The following PPM1L variants were observed in gnomAD, a reference collection of about 807,000 sequenced individuals.
The protein encoded by PPM1L is protein phosphatase, Mg2+/Mn2+ dependent 1L, also known as protein phosphatase 1L.
A neutral mutation model predicts 31.4 loss-of-function variants in PPM1L; 13 were observed. That is an observed-to-expected ratio of 0.41 (90% CI 0.27 to 0.66). The LOEUF (loss-of-function observed/expected upper bound fraction) is 0.66, where lower values mean the gene tolerates loss of function less well. Ranked by LOEUF, PPM1L falls within the 30% of genes least tolerant of loss-of-function variation. PPM1L has a pLI of 0.29. For synonymous variants in PPM1L, 184 were observed against 175.4 expected, an observed-to-expected ratio of 1.05 and a Z score of -0.39; for missense variants, 326 against 453.7, an observed-to-expected ratio of 0.72 and a Z score of 2.56.
intron 1 of PPM1L, among the ~76,000 whole-genome samples, chr3:160,786,155 C>CTGTG (rs796240930): frequency 1.2e-4 from 10 of 83,202 alleles, no homozygotes; most frequent in African/African-American, 2.6e-4. Flanking sequence ...CTCTCTCTCT[C>CTGTG]TCTGTGTGTG....
At chr3:160,903,281 C>A (rs918993492) in intron 1 of PPM1L, among the ~76,000 whole-genome samples, 3 of 147,518 alleles carry the variant, frequency 2.0e-5, no homozygotes, top group Non-Finnish European at 4.5e-5. Flanking sequence ...TATGTGATTG[C>A]AGGAGCTGGC....
chr3:160,954,855 G>GT (rs11373919), intron 1 of PPM1L, among the ~76,000 whole-genome samples: 136,280 of 151,000 alleles, frequency 0.9, 61,574 homozygotes, highest in Middle Eastern at 0.97. Context: ...CTAGGCCAAT[G>GT]CTAGAAGAAT....
intron 1 of PPM1L, among the ~76,000 whole-genome samples, chr3:160,815,358 A>G (rs1157607313): frequency 1.3e-5 from 2 of 152,060 alleles, no homozygotes; most frequent in South Asian, 4.1e-4. Context: ...TCCAAGCACA[A>G]CTGTTCTCAG....
Position 160,985,864 on chromosome 3 carries a change from G to C in PPM1L, c.574+23954G>C, listed in dbSNP as rs1322738469. Among the ~76,000 whole-genome samples the C allele has an allele frequency of 6.6e-5, 10 of 151,150 alleles. No homozygotes were observed. The East Asian group carries it at 1.8e-3, about 27-fold the overall frequency. On this transcript the variant is annotated intron_variant, in intron 2 of 3. Transcript: ENST00000498165. ...CCAAAAATTAAATCTTAAAATTTAT[G>C]GACAGTTACTCTAAACAGATAAATA...
chr3:160,801,464 C>G (rs1026686005), intron 1 of PPM1L, among the ~76,000 whole-genome samples: 1 of 152,174 alleles, frequency 6.6e-6, no homozygotes, highest in Non-Finnish European at 1.5e-5. Context: ...AGTCCATGGC[C>G]AGTCACAGGA....
chr3:160,972,564 G>A (rs1330817667), intron 2 of PPM1L, among the ~76,000 whole-genome samples: 4 of 152,136 alleles, frequency 2.6e-5, no homozygotes, highest in Non-Finnish European at 5.9e-5. Context: ...ATTCCATGGT[G>A]TATATGTGCC....
chr3:160,876,548 C>T (rs761753591), intron 1 of PPM1L, among the ~76,000 whole-genome samples: 1 of 152,196 alleles, frequency 6.6e-6, no homozygotes, highest in African/African-American at 2.4e-5. Context: ...CTCAGCAAAG[C>T]CCAAATCTCT....
intron 1 of PPM1L, among the ~76,000 whole-genome samples, chr3:160,849,102 T>C (rs1301621739): frequency 6.6e-6 from 1 of 152,212 alleles, no homozygotes; most frequent in South Asian, 2.1e-4. Context: ...TTGTCAGTTA[T>C]ATGGGCATAT....
In PPM1L at chr3:161,065,521, C is replaced by G; in HGVS notation, c.693C>G (p.His231Gln). Residue 231 changes from histidine to glutamine, a missense_variant, in exon 3 of 4, where the codon CAC becomes CAG. Physicochemically the swap from His to Gln is conservative, Grantham distance 24. Coordinates refer to ENST00000498165, the MANE Select transcript of PPM1L (RefSeq NM_139245.4). ...DGNAIPLSHD[H>Q]KPYQLKERKR... Reference sequence around the variant, plus strand: ...ACGCTATTCCTTTGTCTCATGATCACAAGCCTTACCAGTTGAAGGAAAGAA... The same window carrying G: ...ACGCTATTCCTTTGTCTCATGATCAGAAGCCTTACCAGTTGAAGGAAAGAA... 1 of 1,614,046 alleles carries G rather than the reference C, an allele frequency of 6.2e-7. No homozygotes were observed. Among genetic ancestry groups the G allele is most frequent in the Non-Finnish European group, 8.5e-7 (1 of 1,179,956 alleles).
At chr3:160,984,551 T>G (rs1716902402) in intron 2 of PPM1L, among the ~76,000 whole-genome samples, 1 of 151,982 alleles carries the variant, frequency 6.6e-6, no homozygotes, top group South Asian at 2.1e-4. Flanking sequence ...ATTAAGAGAT[T>G]AAAGTAAAGA....
chr3:160,811,261 CCT>C (rs914501292), intron 1 of PPM1L, among the ~76,000 whole-genome samples: 1 of 152,210 alleles, frequency 6.6e-6, no homozygotes, highest in Non-Finnish European at 1.5e-5. Context: ...CTTCTATCCC[CCT>C]CTTTTCTCCC....
chr3:160,899,014 A>G (rs1713443971), intron 1 of PPM1L, among the ~76,000 whole-genome samples: 1 of 152,212 alleles, frequency 6.6e-6, no homozygotes. Context: ...TTACTCATCT[A>G]ACGTTCCAGT....
intron 1 of PPM1L, among the ~76,000 whole-genome samples, chr3:160,958,067 A>G (rs1203794291): frequency 6.6e-6 from 1 of 152,182 alleles, no homozygotes; most frequent in African/African-American, 2.4e-5. Flanking sequence ...GACCTTTGTC[A>G]GGTGCAGAAT....
In PPM1L at chr3:161,073,560, T is replaced by A. The variant is rs926323665; in HGVS notation, c.*4403T>A. The A allele has an allele frequency of 6.7e-6, 1 of 150,024 alleles. No individual in the cohort carries two copies. The highest frequency in any genetic ancestry group is 6.6e-5 in the Admixed American group (1 of 15,094). The allele number at this position is 150,024 out of a possible 1,614,324, so 9.3% of individuals were successfully genotyped here. ...ACAATCCTACTTAAAGCTCTAAACA[T>A]CATCCCCCCCTTTTTTTTTTTAACG... On this transcript the variant is annotated 3_prime_UTR_variant, in exon 4 of 4. Transcript: ENST00000498165.
At chr3:160,793,137 G>T (rs923181651) in intron 1 of PPM1L, among the ~76,000 whole-genome samples, 1 of 152,070 alleles carries the variant, frequency 6.6e-6, no homozygotes, top group African/African-American at 2.4e-5. Flanking sequence ...GATTACCCTC[G>T]CCCACCTCTT....
chr3:161,009,809 T>C (rs1717831666), intron 2 of PPM1L, among the ~76,000 whole-genome samples: 5 of 152,190 alleles, frequency 3.3e-5, no homozygotes, highest in Admixed American at 3.3e-4. Context: ...ACAGTTGAAA[T>C]CTTCTGTACT....
At chr3:160,776,253 A>G (rs1418475986) in intron 1 of PPM1L, among the ~76,000 whole-genome samples, 1 of 152,196 alleles carries the variant, frequency 6.6e-6, no homozygotes, top group Non-Finnish European at 1.5e-5. Context: ...TGAGTTCTTA[A>G]CAAGTAACAG....
chr3:160,782,406 C>T (rs527740341), intron 1 of PPM1L, among the ~76,000 whole-genome samples: 60 of 152,180 alleles, frequency 3.9e-4, no homozygotes, highest in Non-Finnish European at 7.2e-4. Context: ...GTGAAAGTTT[C>T]AGTGCTTATG....
intron 1 of PPM1L, among the ~76,000 whole-genome samples, chr3:160,920,613 TCTCACACACACACACACACACACA>T (rs1250019904): frequency 3.7e-5 from 1 of 26,916 alleles, no homozygotes; most frequent in East Asian, 4.4e-4. Flanking sequence ...TCTCTCTCTC[TCTCACACACACACACACACACACA>T]CTCACACACA....
Sources: gnomAD v4.1 joint callset for allele counts (sites outside exome capture counted in the v4.1 genomes callset) on GRCh38, gnomAD v4.1.1 for gene constraint, MANE v1.5 for transcripts, NCBI Gene and HGNC (gene_info 2026-07-23, HGNC 2026-07-21) for gene names.